VWC2: variants seen among roughly 807,000 people sequenced by gnomAD.
VWC2 encodes the protein brorin.
In VWC2, 14 loss-of-function variants were observed where a neutral mutation model predicts 29.8. The ratio of observed to expected loss-of-function variants is 0.47; its 90% CI spans 0.31 to 0.74. VWC2 has a LOEUF of 0.74. Among genes scored for constraint, VWC2 ranks in the 30% least tolerant of loss-of-function variants. The pLI is 0.05. For synonymous variants in VWC2, 213 were observed against 199.0 expected (o/e 1.07, Z -0.59); for missense variants, 457 against 459.8 (o/e 0.99, Z 0.05).
intron 2 of VWC2, among the ~76,000 whole-genome samples, chr7:49,787,158 GGTCA>G (rs1788317454): frequency 6.6e-6 from 1 of 152,102 alleles, no homozygotes. Context: ...CTGTAATGAA[GGTCA>G]GAATGCTTGG....
At chr7:49,907,514 A>G (rs913807607) in intron 3 of VWC2, among the ~76,000 whole-genome samples, 1 of 152,228 alleles carries the variant, frequency 6.6e-6, no homozygotes, top group African/African-American at 2.4e-5. Context: ...GTCAACAAAA[A>G]GAGTCAAACT....
At chr7:49,848,746 T>A (rs893564909) in intron 3 of VWC2, among the ~76,000 whole-genome samples, 2 of 152,262 alleles carry the variant, frequency 1.3e-5, no homozygotes, top group African/African-American at 2.4e-5. Context: ...TCTCACAGGT[T>A]AATAATATAA....
intron 3 of VWC2, among the ~76,000 whole-genome samples, chr7:49,838,449 A>G (rs770072870): frequency 3.3e-5 from 5 of 152,028 alleles, no homozygotes; most frequent in South Asian, 4.2e-4. Flanking sequence ...AGTAGGATTG[A>G]AGCAGACTCC....
At chr7:49,840,164 G>A (rs1789761993) in intron 3 of VWC2, among the ~76,000 whole-genome samples, 1 of 152,212 alleles carries the variant, frequency 6.6e-6, no homozygotes, top group Non-Finnish European at 1.5e-5. Context: ...TCTTCCGTCA[G>A]TGGTAGAGAA....
rs974748551 is a variant in VWC2, at chr7:49,920,677, A to C, written c.*8492A>C. 6.6e-6 allele frequency: 1 copy of C among 152,140 alleles called. No individual in the cohort carries two copies. Among genetic ancestry groups the C allele is most frequent in the Non-Finnish European group, 1.5e-5 (1 of 68,028 alleles). 9.4% of individuals were successfully genotyped at this position (152,140 alleles called of 1,614,324 possible). A position where few individuals can be genotyped will look rare whatever the true frequency, so the allele number is the denominator to read the frequency against. On this transcript the variant is annotated 3_prime_UTR_variant, in exon 4 of 4. Transcript: ENST00000340652. ...ATTTGCACATAGCTATAAATATAGC[A>C]TGAATAAAACACATATGTATTTAAT...
chr7:49,889,551 G>A (rs972906620), intron 3 of VWC2, among the ~76,000 whole-genome samples: 1 of 152,116 alleles, frequency 6.6e-6, no homozygotes, highest in African/African-American at 2.4e-5. Flanking sequence ...CACCAAGGCT[G>A]GTCAAAGGCG....
chr7:49,890,074 A>G (rs1241284097), intron 3 of VWC2, among the ~76,000 whole-genome samples: 2 of 152,186 alleles, frequency 1.3e-5, no homozygotes, highest in Non-Finnish European at 2.9e-5. Context: ...TGAGCATTTC[A>G]AAGCCTCAAT....
At chr7:49,864,329 C>G (rs190794150) in intron 3 of VWC2, among the ~76,000 whole-genome samples, 1 of 152,142 alleles carries the variant, frequency 6.6e-6, no homozygotes, top group African/African-American at 2.4e-5. Context: ...GTGCTTGGAC[C>G]TTCCTTCACC....
chr7:49,842,366 C>T (rs565593425), intron 3 of VWC2, among the ~76,000 whole-genome samples: 4 of 152,250 alleles, frequency 2.6e-5, no homozygotes, highest in South Asian at 2.1e-4. Context: ...GTTACTAAAA[C>T]GTCATGACAT....
At chr7:49,808,637 C>A (rs1044256114) in intron 3 of VWC2, among the ~76,000 whole-genome samples, 28 of 151,990 alleles carry the variant, frequency 1.8e-4, no homozygotes, top group Admixed American at 7.2e-4. Context: ...TAAAACAAGT[C>A]TCAATAAATT....
chr7:49,816,012 G>T (rs992205222), intron 3 of VWC2, among the ~76,000 whole-genome samples: 1 of 152,146 alleles, frequency 6.6e-6, no homozygotes, highest in Non-Finnish European at 1.5e-5. Flanking sequence ...GAGTGGGAGT[G>T]GGTCATGGAA....
At chr7:49,810,090 T>C (rs928994490) in intron 3 of VWC2, among the ~76,000 whole-genome samples, 5 of 151,908 alleles carry the variant, frequency 3.3e-5, no homozygotes, top group African/African-American at 1.2e-4. Flanking sequence ...TAGAAGATGT[T>C]ATGCTCCTGT....
At position 49,775,877 on chromosome 7, in the gene VWC2, C is replaced by T. The variant is rs748580294; in HGVS notation, c.442C>T (p.Pro148Ser). 7.1e-6 allele frequency: 11 copies of T among 1,557,872 alleles called. No homozygotes were observed. In the South Asian group the frequency reaches 1.3e-4, roughly 18 times the overall value. The change falls in exon 2 of 4, where the codon CCG becomes TCG. Residue 148 changes from proline to serine, a missense_variant. By Grantham distance (74) the Pro-to-Ser change is moderately conservative. This residue lies in a region of VWC2 where 185 missense variants were observed against 257.1 expected (regional missense o/e 0.72). Transcript: ENST00000340652. ...CGAGCCACCCGAGGAGTACGTGTAC[C>T]CGGACTACCGTGGCAAGGGCTGCGT... ...TPEPPEEYVY[P>S]DYRGKGCVDE...
intron 3 of VWC2, among the ~76,000 whole-genome samples, chr7:49,905,149 T>C (rs776932890): frequency 7.2e-5 from 11 of 152,214 alleles, no homozygotes; most frequent in Non-Finnish European, 1.3e-4. Flanking sequence ...TACAGCTTAT[T>C]TGAAACATAA....
At chr7:49,812,008 C>A (rs1789021807) in intron 3 of VWC2, among the ~76,000 whole-genome samples, 1 of 152,122 alleles carries the variant, frequency 6.6e-6, no homozygotes, top group African/African-American at 2.4e-5. Flanking sequence ...AAGGAATGAA[C>A]TAATGATACT....
intron 3 of VWC2, among the ~76,000 whole-genome samples, chr7:49,907,667 A>G (rs1532990): frequency 0.029 from 4,371 of 152,328 alleles, 234 homozygotes; most frequent in African/African-American, 0.1. Context: ...AACATAAGAC[A>G]TCAATCAATA....
At chr7:49,845,253 G>A (rs1356213895) in intron 3 of VWC2, among the ~76,000 whole-genome samples, 1 of 151,240 alleles carries the variant, frequency 6.6e-6, no homozygotes, top group Non-Finnish European at 1.5e-5. Context: ...TAACAAACCT[G>A]CATACACTGC....
chr7:49,887,316 T>G (rs1791944731), intron 3 of VWC2, among the ~76,000 whole-genome samples: 1 of 152,200 alleles, frequency 6.6e-6, no homozygotes, highest in African/African-American at 2.4e-5. Flanking sequence ...TCTGCATCAT[T>G]TGAAAGATTT....
intron 3 of VWC2, among the ~76,000 whole-genome samples, chr7:49,869,682 G>T (rs762600831): frequency 6.6e-6 from 1 of 152,288 alleles, no homozygotes; most frequent in African/African-American, 2.4e-5. Context: ...GCAAGGAATG[G>T]CAAGGATGTA....
Sources: allele counts gnomAD v4.1 joint callset (sites outside exome capture counted in the v4.1 genomes callset), GRCh38; gene constraint gnomAD v4.1.1; regional missense constraint gnomAD v4.1.1; transcripts MANE v1.5; gene names NCBI Gene and HGNC (gene_info 2026-07-23, HGNC 2026-07-21).